Variants in FGF18 observed in about 807,000 individuals in gnomAD.
FGF18 encodes fibroblast growth factor 18.
FGF18 carries 5 observed loss-of-function variants against 23.0 expected under a neutral mutation model. The observed-to-expected ratio is 0.22, with a 90% CI of 0.11 to 0.46. The LOEUF is 0.46. Ranked by LOEUF, FGF18 falls within the 20% of genes least tolerant of loss-of-function variation. The probability of loss-of-function intolerance (pLI) is 0.99; values close to 1 mark genes in which losing one functional copy is unlikely to be tolerated. For missense variants in FGF18, 180 were observed against 291.6 expected (o/e 0.62, Z 2.79); for synonymous variants, 117 against 118.9 (o/e 0.98, Z 0.10).
chr5:171,450,521 T>TC (rs1772482644), intron 4 of FGF18, among the ~76,000 whole-genome samples: 1 of 152,132 alleles, frequency 6.6e-6, no homozygotes, highest in South Asian at 2.1e-4. Context: ...TTGTCCCAGG[T>TC]CCCACACTAC....
At chr5:171,452,705 A>G (rs1561891864) in intron 4 of FGF18, among the ~76,000 whole-genome samples, 1 of 152,168 alleles carries the variant, frequency 6.6e-6, no homozygotes, top group Non-Finnish European at 1.5e-5. Context: ...TATTGCGATC[A>G]CTGATGAGTC....
rs1009265909 is a variant in FGF18 at position 171,439,790 on chromosome 5, A to T, written c.250+3517A>T. Reference sequence around the variant, plus strand: ...AGCCCACACGCAGGGAGACTCTAGCATCGGGGGGTTTCCGGGGCAACTCTG... The same window carrying T: ...AGCCCACACGCAGGGAGACTCTAGCTTCGGGGGGTTTCCGGGGCAACTCTG... On this transcript the variant is annotated intron_variant, in intron 3 of 4. Transcript: ENST00000274625. Among the ~76,000 whole-genome samples the T allele has an allele frequency of 2.6e-5, 4 of 152,192 alleles. No individual in the cohort carries two copies. In the South Asian group the frequency reaches 6.2e-4, roughly 24 times the overall value.
rs975861716 is a variant in FGF18, at chr5:171,440,229, G to T, written c.250+3956G>T. On this transcript the variant is annotated intron_variant, in intron 3 of 4. Coordinates refer to ENST00000274625, the MANE Select transcript of FGF18 (RefSeq NM_003862.3). The surrounding 1 kb of genome is among the most constrained non-coding windows in gnomAD (Gnocchi z 4.0). Reference sequence around the variant, plus strand: ...GACCTCCTTACTATGGGTGTGTGGGGGGGGGTGGTGCCATCGCGGGCTCAG... The same window carrying T: ...GACCTCCTTACTATGGGTGTGTGGGTGGGGGTGGTGCCATCGCGGGCTCAG... Among the ~76,000 whole-genome samples the T allele has an allele frequency of 3.7e-4, 57 of 152,040 alleles. No individual in the cohort carries two copies. Among genetic ancestry groups the T allele is most frequent in the Non-Finnish European group, 6.6e-4 (45 of 67,980 alleles).
chr5:171,423,021 T>C (rs993634621), intron 2 of FGF18, among the ~76,000 whole-genome samples: 3 of 152,230 alleles, frequency 2.0e-5, no homozygotes, highest in African/African-American at 7.2e-5. Flanking sequence ...GCCTACGCCC[T>C]TCCCTCCCCT....
chr5:171,426,204 C>T (rs1772086305), intron 2 of FGF18, among the ~76,000 whole-genome samples: 1 of 152,098 alleles, frequency 6.6e-6, no homozygotes, highest in Non-Finnish European at 1.5e-5. Context: ...TAGTCCAGAC[C>T]CTGCTCCTAT....
At chr5:171,420,690 G>A (rs1771991920) in intron 2 of FGF18, among the ~76,000 whole-genome samples, 1 of 152,214 alleles carries the variant, frequency 6.6e-6, no homozygotes, top group Non-Finnish European at 1.5e-5. Context: ...GTCGGCCTCG[G>A]CTGGGAGGAG....
chr5:171,433,056 G>C (rs767296113), intron 2 of FGF18, among the ~76,000 whole-genome samples: 17 of 152,320 alleles, frequency 1.1e-4, no homozygotes, highest in Admixed American at 1.3e-4. Context: ...GAAGCCCGGG[G>C]TGCTTCCTGC....
rs1428335951 is a variant in FGF18, at chr5:171,425,573, C to G, written c.69+5130C>G. Among the ~76,000 whole-genome samples, 4 of 147,626 alleles carry G rather than the reference C, an allele frequency of 2.7e-5. No homozygotes were observed. The East Asian group carries it at 7.9e-4, about 29-fold the overall frequency. On this transcript the variant is annotated intron_variant, in intron 2 of 4. Transcript: ENST00000274625. ...TGAGATGGAGTCTCGCCCTGTTGCC[C>G]AGGCTGGAGTGCAGTGGCGTGATCT...
chr5:171,429,375 TG>T (rs1229726557), intron 2 of FGF18, among the ~76,000 whole-genome samples: 3 of 152,240 alleles, frequency 2.0e-5, no homozygotes, highest in African/African-American at 7.2e-5. Flanking sequence ...GGCCCTGGCA[TG>T]GGGGCAAGTG....
chr5:171,449,036 TG>T, intron 3 of FGF18, 110 bp from the exon 4 acceptor site: 3 of 761,898 alleles, frequency 3.9e-6, no homozygotes, highest in African/African-American at 1.7e-5. Context: ...TGCCTGATTT[TG>T]GGGGAGTGAG....
At chr5:171,444,132 G>C (rs1772385833) in intron 3 of FGF18, among the ~76,000 whole-genome samples, 1 of 152,192 alleles carries the variant, frequency 6.6e-6, no homozygotes, top group South Asian at 2.1e-4. Context: ...AAGTCATTTG[G>C]AAGTGGAGCT....
intron 2 of FGF18, among the ~76,000 whole-genome samples, chr5:171,421,161 C>T (rs1771999561): frequency 6.6e-6 from 1 of 152,160 alleles, no homozygotes; most frequent in Non-Finnish European, 1.5e-5. Context: ...GTTACTTCAG[C>T]AGCTTTCAGA....
intron 4 of FGF18, among the ~76,000 whole-genome samples, chr5:171,455,853 T>C (rs1185759897): frequency 6.6e-6 from 1 of 152,120 alleles, no homozygotes; most frequent in Non-Finnish European, 1.5e-5. Context: ...AGTGGAGCCA[T>C]TGGGCTATCT....
chr5:171,423,288 T>C (rs574627105), intron 2 of FGF18, among the ~76,000 whole-genome samples: 45 of 152,318 alleles, frequency 3.0e-4, no homozygotes, highest in African/African-American at 1.1e-3. Context: ...CAGGACACCG[T>C]AGATAGCTCA....
intron 2 of FGF18, among the ~76,000 whole-genome samples, chr5:171,422,547 G>A (rs1219024082): frequency 6.6e-6 from 1 of 152,150 alleles, no homozygotes; most frequent in East Asian, 1.9e-4. Context: ...AAACATCTAT[G>A]ACCCCTAAAG....
At chr5:171,421,974 C>T (rs918147040) in intron 2 of FGF18, among the ~76,000 whole-genome samples, 4 of 152,084 alleles carry the variant, frequency 2.6e-5, no homozygotes, top group Non-Finnish European at 2.9e-5. Flanking sequence ...AGAGGGCAGG[C>T]CCTGGGGTCA....
intron 4 of FGF18, among the ~76,000 whole-genome samples, chr5:171,450,705 C>A (rs1033138421): frequency 2.0e-5 from 3 of 152,140 alleles, no homozygotes; most frequent in Non-Finnish European, 2.9e-5. Context: ...GGCTGGCCGG[C>A]CGGCGAGGGG....
At chr5:171,423,630 C>T (rs1364156096) in intron 2 of FGF18, among the ~76,000 whole-genome samples, 1 of 152,138 alleles carries the variant, frequency 6.6e-6, no homozygotes, top group African/African-American at 2.4e-5. Flanking sequence ...TTTCCTTCCA[C>T]GCCCCCTCTC....
chr5:171,422,923 T>C (rs139335369), intron 2 of FGF18, among the ~76,000 whole-genome samples: 12 of 152,286 alleles, frequency 7.9e-5, no homozygotes, highest in Non-Finnish European at 1.8e-4. Context: ...GGTCATGGAG[T>C]TGAACTGGTA....
Sources: allele counts gnomAD v4.1 joint callset (sites outside exome capture counted in the v4.1 genomes callset), GRCh38; gene constraint gnomAD v4.1.1; non-coding constraint Gnocchi (gnomAD v3.1); transcripts MANE v1.5; gene names NCBI Gene and HGNC (gene_info 2026-07-23, HGNC 2026-07-21).